HDAC9: variants seen among roughly 807,000 people sequenced by gnomAD.
HDAC9 encodes histone deacetylase 9.
In HDAC9, 41 loss-of-function variants were observed where a neutral mutation model predicts 139.4. The observed-to-expected ratio is 0.29, with a 90% confidence interval of 0.23 to 0.38. The LOEUF is 0.38. HDAC9 is among the 10% of genes least tolerant of loss of function. The pLI, the probability that HDAC9 is intolerant of heterozygous loss-of-function variation, is 1.00. For synonymous variants in HDAC9, 517 were observed against 476.2 expected, an observed-to-expected ratio of 1.09 and a Z score of -1.12; for missense variants, 1,147 against 1,297.0, an observed-to-expected ratio of 0.88 and a Z score of 1.78.
At chr7:18,244,485 T>C (rs1469659251) in intron 2 of HDAC9, among the ~76,000 whole-genome samples, 2 of 152,182 alleles carry the variant, frequency 1.3e-5, no homozygotes, top group Non-Finnish European at 2.9e-5. Context: ...TTCTCTGAGC[T>C]TACAGATTGG....
intron 16 of HDAC9, among the ~76,000 whole-genome samples, chr7:18,774,547 A>T (rs1005782019): frequency 6.6e-6 from 1 of 152,086 alleles, no homozygotes; most frequent in African/African-American, 2.4e-5. Context: ...CAGTAGCATT[A>T]TATCTTTAAA....
At chr7:18,131,753 AG>A (rs1469657148) in intron 1 of HDAC9, among the ~76,000 whole-genome samples, 2 of 152,144 alleles carry the variant, frequency 1.3e-5, no homozygotes, top group Non-Finnish European at 2.9e-5. Flanking sequence ...CCTCAGTGCT[AG>A]CAAAGGGTTT....
chr7:18,910,201 G>A (rs1363516785), intron 22 of HDAC9, among the ~76,000 whole-genome samples: 1 of 149,312 alleles, frequency 6.7e-6, no homozygotes, highest in Non-Finnish European at 1.5e-5. Flanking sequence ...AACATGGGAT[G>A]TTTTTTACTT....
intron 23 of HDAC9, among the ~76,000 whole-genome samples, chr7:18,943,449 A>G (rs375383899): frequency 6.6e-6 from 1 of 152,034 alleles, no homozygotes; most frequent in Non-Finnish European, 1.5e-5. Flanking sequence ...ATTTTTAATT[A>G]CTTAGTTGGT....
chr7:18,658,816 T>A (rs142320811), intron 11 of HDAC9, among the ~76,000 whole-genome samples: 9 of 151,406 alleles, frequency 5.9e-5, no homozygotes, highest in African/African-American at 2.2e-4. Flanking sequence ...TCATTATTTT[T>A]AAATCTAGTT....
intron 24 of HDAC9, among the ~76,000 whole-genome samples, chr7:18,972,089 T>C (rs1256345012): frequency 6.6e-6 from 1 of 152,220 alleles, no homozygotes; most frequent in Non-Finnish European, 1.5e-5. Context: ...AAAGAATGTT[T>C]GCTGACCTCT....
chr7:18,948,943 G>T (rs1450066911), intron 23 of HDAC9: 2 of 357,712 alleles, frequency 5.6e-6, no homozygotes, highest in Non-Finnish European at 1.1e-5. Context: ...TAGCCTCTTG[G>T]TCAGTCATTA....
intron 22 of HDAC9, among the ~76,000 whole-genome samples, chr7:18,930,748 A>G (rs915931530): frequency 3.3e-5 from 5 of 152,236 alleles, no homozygotes; most frequent in African/African-American, 1.2e-4. Context: ...CTCTGACTGC[A>G]GAGATCACAT....
chr7:18,344,411 T>C (rs1380729534), intron 1 of HDAC9, among the ~76,000 whole-genome samples: 1 of 151,956 alleles, frequency 6.6e-6, no homozygotes, highest in East Asian at 1.9e-4. Flanking sequence ...GTTAAGAATA[T>C]TGGCCAAGTA....
At chr7:18,911,753 C>A (rs2129289639) in intron 22 of HDAC9, among the ~76,000 whole-genome samples, 1 of 151,690 alleles carries the variant, frequency 6.6e-6, no homozygotes, top group Admixed American at 6.6e-5. Context: ...CTTCATTGAC[C>A]CATTGGTTAT....
chr7:18,751,280 C>T (rs954224680), intron 14 of HDAC9, among the ~76,000 whole-genome samples: 1 of 152,084 alleles, frequency 6.6e-6, no homozygotes, highest in African/African-American at 2.4e-5. Context: ...AATAGAGTCT[C>T]CTTGGTATCA....
intron 6 of HDAC9, among the ~76,000 whole-genome samples, chr7:18,605,314 C>G (rs567228508): frequency 1.3e-5 from 2 of 152,126 alleles, no homozygotes; most frequent in Non-Finnish European, 2.9e-5. Context: ...GTGGGCCTGA[C>G]TTTGTATGCT....
intron 1 of HDAC9, among the ~76,000 whole-genome samples, chr7:18,106,121 C>G (rs936074480): frequency 1.1e-4 from 17 of 152,116 alleles, no homozygotes; most frequent in African/African-American, 3.9e-4. Flanking sequence ...TGAAAATTTT[C>G]TGGAATTAGA....
intron 2 of HDAC9, among the ~76,000 whole-genome samples, chr7:18,580,783 A>T (rs751206978): frequency 6.6e-6 from 1 of 152,120 alleles, no homozygotes; most frequent in Non-Finnish European, 1.5e-5. Flanking sequence ...TTTTCCTTGT[A>T]AGTTGATTTC....
chr7:18,617,403 G>C (rs1838939276), intron 6 of HDAC9, among the ~76,000 whole-genome samples: 2 of 152,072 alleles, frequency 1.3e-5, no homozygotes, highest in African/African-American at 4.8e-5. Flanking sequence ...TGAAAAAATT[G>C]AAATTCCATG....
At chr7:18,522,595 A>T (rs1220668477) in intron 2 of HDAC9, among the ~76,000 whole-genome samples, 4 of 151,062 alleles carry the variant, frequency 2.6e-5, no homozygotes, top group Non-Finnish European at 3.0e-5. Flanking sequence ...TGGTTTTTTT[A>T]AAAAAAACAA....
intron 1 of HDAC9, among the ~76,000 whole-genome samples, chr7:18,473,109 C>G (rs1186018621): frequency 2.6e-5 from 4 of 152,188 alleles, no homozygotes; most frequent in South Asian, 2.1e-4. Flanking sequence ...TGCTGAATCT[C>G]TGGTCCCAGA....
chr7:18,425,515 A>G (rs1268565147), intron 1 of HDAC9, among the ~76,000 whole-genome samples: 6 of 152,160 alleles, frequency 3.9e-5, no homozygotes, highest in African/African-American at 1.2e-4. Flanking sequence ...ACTAAATTGT[A>G]TTTGGAGTTT....
intron 6 of HDAC9, among the ~76,000 whole-genome samples, chr7:18,611,352 T>G (rs1405400370): frequency 6.6e-6 from 1 of 152,160 alleles, no homozygotes; most frequent in African/African-American, 2.4e-5. Flanking sequence ...ATAATAATTT[T>G]GAAGAAAATT....
Sources: gnomAD v4.1 joint callset for allele counts (sites outside exome capture counted in the v4.1 genomes callset) on GRCh38, gnomAD v4.1.1 for gene constraint, MANE v1.5 for transcripts, NCBI Gene and HGNC (gene_info 2026-07-23, HGNC 2026-07-21) for gene names.